Variants in ANKUB1 observed in about 807,000 individuals in gnomAD.
ANKUB1 encodes ankyrin repeat and ubiquitin domain containing 1.
In ANKUB1, 42 loss-of-function variants were observed where a neutral mutation model predicts 49.3. That is an observed-to-expected ratio of 0.85 (90% confidence interval 0.67 to 1.10). The LOEUF (loss-of-function observed/expected upper bound fraction) is 1.10, where lower values mean the gene tolerates loss of function less well. Ranked by LOEUF, ANKUB1 falls within the 50% of genes least tolerant of loss-of-function variation. ANKUB1 has a pLI of 0.00. For missense variants in ANKUB1, 613 were observed against 642.0 expected, an observed-to-expected ratio of 0.95 and a Z score of 0.49; for synonymous variants, 222 against 231.0, an observed-to-expected ratio of 0.96 and a Z score of 0.35.
chr3:149,771,512 A>G (rs1717359730), intron 3 of ANKUB1, among the ~76,000 whole-genome samples: 1 of 152,150 alleles, frequency 6.6e-6, no homozygotes. Context: ...CTTTTTATTC[A>G]GTTTTCACTT....
In ANKUB1 at chr3:149,768,115, G is replaced by A. The variant is rs1247811732; in HGVS notation, c.567-20C>T. On this transcript the variant is annotated intron_variant, in intron 4 of 5. Coordinates refer to ENST00000446160, the MANE Select transcript of ANKUB1 (RefSeq NM_001144960.3). ...TGATACCTAAATGAGTGAAACAAGT[G>A]GGGAGGGGGTGTTTAGAAAATCAGC... The A allele has an allele frequency of 7.9e-7, 1 of 1,273,560 alleles. No homozygotes were observed. Among genetic ancestry groups the A allele is most frequent in the East Asian group, 2.7e-5 (1 of 37,686 alleles). 78.9% of individuals were successfully genotyped at this position (1,273,560 alleles called of 1,614,324 possible).
At chr3:149,786,999 G>A in intron 2 of ANKUB1, among the ~76,000 whole-genome samples, 1 of 152,162 alleles carries the variant, frequency 6.6e-6, no homozygotes, top group South Asian at 2.1e-4. Context: ...TTTGAAGTCA[G>A]GTAGCATGAT....
intron 2 of ANKUB1, among the ~76,000 whole-genome samples, chr3:149,780,840 A>G (rs1717830804): frequency 6.6e-6 from 1 of 152,122 alleles, no homozygotes; most frequent in Non-Finnish European, 1.5e-5. Context: ...GTCAATTATT[A>G]TTATTTTTTT....
chr3:149,763,523 C>T (rs906153708), intron 5 of ANKUB1, among the ~76,000 whole-genome samples: 1 of 152,192 alleles, frequency 6.6e-6, no homozygotes, highest in Non-Finnish European at 1.5e-5. Context: ...ATCCAGAGTA[C>T]AAGAGCCCAG....
At chr3:149,792,210 C>G (rs1047470509) in intron 1 of ANKUB1, 67 bp downstream of exon 1, 1 of 1,167,640 alleles carries the variant, frequency 8.6e-7, no homozygotes, top group African/African-American at 1.6e-5. Flanking sequence ...ACCCTTTGTA[C>G]ATTTTTAAAT....
intron 5 of ANKUB1, among the ~76,000 whole-genome samples, chr3:149,765,391 T>C (rs1716967339): frequency 6.6e-6 from 1 of 152,152 alleles, no homozygotes; most frequent in Non-Finnish European, 1.5e-5. Flanking sequence ...GTAGTGCTTG[T>C]ATGAAAACAT....
chr3:149,776,402 G>A (rs1374060969), intron 3 of ANKUB1, among the ~76,000 whole-genome samples: 1 of 152,072 alleles, frequency 6.6e-6, no homozygotes, highest in Non-Finnish European at 1.5e-5. Flanking sequence ...CATAGGGCTT[G>A]GTCTCCACCT....
chr3:149,766,466 A>AGAAGAGGAAGACAAAGAAGTG (rs1717018249), intron 5 of ANKUB1, among the ~76,000 whole-genome samples: 1 of 152,198 alleles, frequency 6.6e-6, no homozygotes, highest in Non-Finnish European at 1.5e-5. Context: ...CTTTAGAAGA[A>AGAAGAGGAAGACAAAGAAGTG]GAAGAGGAAG....
chr3:149,767,836 T>C lies in ANKUB1; in HGVS notation c.826A>G (p.Thr276Ala), dbSNP rs1481128803. Residue 276 changes from threonine (T) to alanine (A), a missense_variant, in exon 5 of 6, where the codon ACT (threonine) becomes GCT (alanine). Coordinates refer to ENST00000446160, the MANE Select transcript of ANKUB1 (RefSeq NM_001144960.3). Reference protein sequence around the residue: ...CLECKNAAGQTPLTIVFKHKH... With the variant: ...CLECKNAAGQAPLTIVFKHKH... ...TGTTTGAACACAATGGTCAGGGGAG[T>C]TTGTCCTGCTGCATTTTTGCATTCC... 2.6e-6 allele frequency: 4 copies of C among 1,551,364 alleles called. No individual in the cohort carries two copies. The African/African-American group carries it at 5.5e-5, about 21-fold the overall frequency.
chr3:149,766,993 G>C (rs1299465814), intron 5 of ANKUB1, 164 bp downstream of exon 5: 2 of 995,072 alleles, frequency 2.0e-6, no homozygotes, highest in Non-Finnish European at 3.0e-6. Flanking sequence ...AATTCATTTT[G>C]TCCTAGTGAT....
At chr3:149,783,923 A>G (rs1352710352) in intron 2 of ANKUB1, 1 of 152,214 alleles carries the variant, frequency 6.6e-6, no homozygotes, top group Non-Finnish European at 1.5e-5. Flanking sequence ...TTTAAGAAAC[A>G]TGCTTTCATG....
chr3:149,785,252 TTTA>T (rs568736849), intron 2 of ANKUB1, among the ~76,000 whole-genome samples: 11 of 152,060 alleles, frequency 7.2e-5, no homozygotes, highest in South Asian at 2.1e-4. Context: ...TACAATGTTC[TTTA>T]TTATTATTAT....
At chr3:149,766,255 G>C (rs1348959957) in intron 5 of ANKUB1, among the ~76,000 whole-genome samples, 1 of 152,100 alleles carries the variant, frequency 6.6e-6, no homozygotes, top group Non-Finnish European at 1.5e-5. Flanking sequence ...CTAGCACCCT[G>C]TCCAATACAG....
At chr3:149,767,107 C>T (rs1717059616) in intron 5 of ANKUB1, 50 bp downstream of exon 5, 1 of 1,433,526 alleles carries the variant, frequency 7.0e-7, no homozygotes, top group Non-Finnish European at 9.3e-7. Context: ...TTATCCTGGA[C>T]CTGCCTTATA....
At chr3:149,763,798 A>G (rs1364406192) in intron 5 of ANKUB1, 1 of 419,310 alleles carries the variant, frequency 2.4e-6, no homozygotes, top group Non-Finnish European at 4.8e-6. Context: ...TGTCTACACC[A>G]GCCACATTTA....
chr3:149,764,591 C>A (rs1716919366), intron 5 of ANKUB1, among the ~76,000 whole-genome samples: 1 of 137,796 alleles, frequency 7.3e-6, no homozygotes, highest in Admixed American at 7.1e-5. Flanking sequence ...TCCCTCCCTC[C>A]CTTCCTTCCT....
chr3:149,770,556 A>C lies in ANKUB1; in HGVS notation c.566+4T>G. The C allele has an allele frequency of 6.5e-7, 1 of 1,528,404 alleles. No individual in the cohort carries two copies. Among genetic ancestry groups the C allele is most frequent in the Non-Finnish European group, 8.8e-7 (1 of 1,130,356 alleles). 94.7% of individuals were successfully genotyped at this position (1,528,404 alleles called of 1,614,324 possible). On this transcript the variant is annotated splice_donor_region_variant and intron_variant, in intron 4 of 5. Transcript: ENST00000446160. ...TAAGTTAATTTAAAATTAATTTCTCATACTTGAGTACTGGTCCTTCTTTTG... is the reference window on the plus strand; with the variant it reads ...TAAGTTAATTTAAAATTAATTTCTCCTACTTGAGTACTGGTCCTTCTTTTG...
intron 3 of ANKUB1, among the ~76,000 whole-genome samples, chr3:149,771,077 G>A (rs1037921619): frequency 1.3e-5 from 2 of 152,228 alleles, no homozygotes; most frequent in African/African-American, 4.8e-5. Context: ...AGTGGGCTGT[G>A]AGGGAGTGGA....
chr3:149,768,955 T>C (rs185496774), intron 4 of ANKUB1, among the ~76,000 whole-genome samples: 49 of 152,286 alleles, frequency 3.2e-4, no homozygotes, highest in African/African-American at 1.2e-3. Flanking sequence ...TATAACACAG[T>C]GTCTGCCGTA....
Sources: allele counts gnomAD v4.1 joint callset (sites outside exome capture counted in the v4.1 genomes callset), GRCh38; gene constraint gnomAD v4.1.1; transcripts MANE v1.5; gene names NCBI Gene and HGNC (gene_info 2026-07-23, HGNC 2026-07-21).